The following EXOC4 variants were observed in gnomAD, a reference collection of about 807,000 sequenced individuals.
EXOC4 encodes the protein SEC8-like 1.
In EXOC4, 71 loss-of-function variants were observed where a neutral mutation model predicts 107.2. The observed-to-expected ratio is 0.66, with a 90% CI of 0.55 to 0.81. The LOEUF (loss-of-function observed/expected upper bound fraction) is 0.81. Among genes scored for constraint, EXOC4 ranks in the 30% least tolerant of loss-of-function variants. The pLI, the probability that EXOC4 is intolerant of heterozygous loss-of-function variation, is 0.00. For synonymous variants in EXOC4, 456 were observed against 441.2 expected, an observed-to-expected ratio of 1.03 and a Z score of -0.42; for missense variants, 1,108 against 1,189.6, an observed-to-expected ratio of 0.93 and a Z score of 1.01.
In EXOC4 at chr7:133,275,048, C is replaced by T. The variant is rs201496934; in HGVS notation, c.153C>T (p.Tyr51=). ...AAAAGGGTCGCCTTGAAGAAGCCTA[C>T]GAGAAATGTGACCGTGACCTGGATG... The part of the protein sequence containing the change: ...ENEKGRLEEA[Y]EKCDRDLDEL... The change falls in exon 2 of 18, where the codon TAC becomes TAT. Residue 51 remains tyrosine, a synonymous_variant. Coordinates refer to ENST00000253861, the MANE Select transcript of EXOC4 (RefSeq NM_021807.4). 109 of 1,613,774 alleles carry T rather than the reference C, an allele frequency of 6.8e-5. No individual in the cohort carries two copies. Among genetic ancestry groups the T allele is most frequent in the Non-Finnish European group, 8.5e-5 (100 of 1,179,754 alleles).
intron 7 of EXOC4, among the ~76,000 whole-genome samples, chr7:133,467,866 TC>T (rs1010014342): frequency 2.0e-5 from 3 of 152,116 alleles, no homozygotes; most frequent in African/African-American, 7.2e-5. Context: ...CATCTTGTCC[TC>T]CTATAAATGC....
At chr7:133,996,349 G>A (rs1226732996) in intron 14 of EXOC4, among the ~76,000 whole-genome samples, 3 of 152,116 alleles carry the variant, frequency 2.0e-5, no homozygotes, top group South Asian at 2.1e-4. Context: ...GCCAAACTTT[G>A]AGGCTCTAGA....
At chr7:133,661,059 G>C (rs1447139100) in intron 10 of EXOC4, among the ~76,000 whole-genome samples, 5 of 152,068 alleles carry the variant, frequency 3.3e-5, no homozygotes, top group Non-Finnish European at 5.9e-5. Flanking sequence ...TTTAAGTTTT[G>C]TTCGCTTGCC....
At chr7:133,916,476 C>G (rs770990233) in intron 12 of EXOC4, among the ~76,000 whole-genome samples, 1 of 146,418 alleles carries the variant, frequency 6.8e-6, no homozygotes, top group East Asian at 2.0e-4. Flanking sequence ...TCTGTGTTGC[C>G]GAGGCCAGTC....
At chr7:133,694,021 T>G (rs1433903106) in intron 10 of EXOC4, among the ~76,000 whole-genome samples, 3 of 152,106 alleles carry the variant, frequency 2.0e-5, no homozygotes, top group African/African-American at 7.2e-5. Context: ...ATCCCAGCAC[T>G]TTGGGAGGCC....
At chr7:133,581,622 G>C (rs530965001) in intron 9 of EXOC4, among the ~76,000 whole-genome samples, 1 of 151,540 alleles carries the variant, frequency 6.6e-6, no homozygotes, top group Non-Finnish European at 1.5e-5. Context: ...GCCGGGCGTG[G>C]TGGTGGGCGC....
chr7:133,640,797 T>G lies in EXOC4; in HGVS notation c.1514+10656T>G, dbSNP rs576003933. ...GCTACTTTTATTAAAGAAAAGGGAT[T>G]TTTCTTAGAATTAAGATCCATCCTT... On this transcript the variant is annotated intron_variant, in intron 10 of 17. Transcript: ENST00000253861. Among the ~76,000 whole-genome samples, 202 of 152,178 alleles carry G rather than the reference T, an allele frequency of 1.3e-3. 1 individual carries two copies. The highest frequency in any genetic ancestry group is 2.5e-3 in the Non-Finnish European group (168 of 68,028).
chr7:133,392,504 A>G (rs1221022967), intron 7 of EXOC4, among the ~76,000 whole-genome samples: 1 of 152,164 alleles, frequency 6.6e-6, no homozygotes, highest in East Asian at 1.9e-4. Flanking sequence ...AGATATATCT[A>G]GTAACCTAAC....
chr7:133,319,996 A>C (rs891123459), intron 5 of EXOC4, among the ~76,000 whole-genome samples: 4 of 152,196 alleles, frequency 2.6e-5, no homozygotes, highest in Non-Finnish European at 5.9e-5. Flanking sequence ...TTAGTCCCTC[A>C]ACAATTTTAT....
chr7:133,767,942 T>C (rs1796171927), intron 10 of EXOC4, among the ~76,000 whole-genome samples: 1 of 151,904 alleles, frequency 6.6e-6, no homozygotes, highest in African/African-American at 2.4e-5. Flanking sequence ...GTTAAAGTAG[T>C]TTTAGGGCAA....
chr7:133,753,740 G>A (rs1352871863), intron 10 of EXOC4, among the ~76,000 whole-genome samples: 2 of 152,184 alleles, frequency 1.3e-5, no homozygotes, highest in African/African-American at 4.8e-5. Context: ...ACTGTACCTA[G>A]CATGCTGAGT....
chr7:133,266,193 C>T (rs555424289), intron 1 of EXOC4, among the ~76,000 whole-genome samples: 22 of 152,332 alleles, frequency 1.4e-4, no homozygotes, highest in African/African-American at 5.3e-4. Context: ...GTCACATGGC[C>T]TTTGCTGTGT....
Position 133,852,225 on chromosome 7 carries a change from A to ATT in EXOC4, c.1734+34695_1734+34696dup, listed in dbSNP as rs5887646. Among the ~76,000 whole-genome samples the ATT allele has an allele frequency of 3.8e-3, 543 of 141,796 alleles. 5 individuals are homozygous for ATT. Among genetic ancestry groups the ATT allele is most frequent in the African/African-American group, 8.5e-3 (333 of 38,978 alleles). 93.0% of individuals were successfully genotyped at this position (141,796 alleles called of 152,430 possible). A position where few individuals can be genotyped will look rare whatever the true frequency, so the allele number is the denominator to read the frequency against. On this transcript the variant is annotated intron_variant, in intron 11 of 17. Transcript: ENST00000253861. ...TGGCAATAAAGTCATTGTATAGAGC[A>ATT]TTTTTTTTTTTTTTTGAGACGGAGT...
intron 10 of EXOC4, among the ~76,000 whole-genome samples, chr7:133,646,983 C>T (rs1405348527): frequency 2.6e-5 from 4 of 152,276 alleles, no homozygotes; most frequent in South Asian, 2.1e-4. Flanking sequence ...TATCAATATG[C>T]ATTTTCACGG....
intron 13 of EXOC4, among the ~76,000 whole-genome samples, chr7:133,919,632 C>T (rs1799893604): frequency 6.6e-6 from 1 of 152,112 alleles, no homozygotes; most frequent in Admixed American, 6.5e-5. Context: ...TGAAATCATA[C>T]AGTATGTTTC....
At chr7:133,996,947 T>A (rs1449389573) in intron 14 of EXOC4, among the ~76,000 whole-genome samples, 2 of 152,162 alleles carry the variant, frequency 1.3e-5, no homozygotes, top group Admixed American at 1.3e-4. Flanking sequence ...TACTGACTCA[T>A]GTGTGAAGGA....
intron 2 of EXOC4, among the ~76,000 whole-genome samples, chr7:133,281,173 A>G (rs1794127440): frequency 6.6e-6 from 1 of 152,170 alleles, no homozygotes; most frequent in African/African-American, 2.4e-5. Flanking sequence ...TTGTAGTTCT[A>G]AAAGGCTTTT....
intron 9 of EXOC4, among the ~76,000 whole-genome samples, chr7:133,482,948 C>T (rs1799189054): frequency 6.6e-6 from 1 of 152,116 alleles, no homozygotes; most frequent in South Asian, 2.1e-4. Context: ...TTGGTCCCTC[C>T]TCTCTCAGCC....
intron 17 of EXOC4, among the ~76,000 whole-genome samples, chr7:134,033,816 A>G (rs922306153): frequency 6.6e-6 from 1 of 152,214 alleles, no homozygotes; most frequent in African/African-American, 2.4e-5. Context: ...GTCAGCTGGT[A>G]TCAGACTTAT....
Sources: allele counts gnomAD v4.1 joint callset (sites outside exome capture counted in the v4.1 genomes callset), GRCh38; gene constraint gnomAD v4.1.1; transcripts MANE v1.5; gene names NCBI Gene and HGNC (gene_info 2026-07-23, HGNC 2026-07-21).